LDLRAD4: variants seen among roughly 807,000 people sequenced by gnomAD.
The protein encoded by LDLRAD4 is low-density lipoprotein receptor class A domain-containing protein 4.
In LDLRAD4, 5 loss-of-function variants were observed where a neutral mutation model predicts 17.0. That is an observed-to-expected ratio of 0.29 (90% confidence interval 0.15 to 0.62). The LOEUF is 0.62. Ranked by LOEUF, LDLRAD4 falls within the 20% of genes least tolerant of loss-of-function variation. The probability of loss-of-function intolerance (pLI) is 0.84; values close to 1 mark genes in which losing one functional copy is unlikely to be tolerated. For missense variants in LDLRAD4, 340 were observed against 424.7 expected (o/e 0.80, Z 1.75); for synonymous variants, 168 against 171.8 (o/e 0.98, Z 0.17).
chr18:13,261,620 C>T (rs1029684187), intron 1 of LDLRAD4, among the ~76,000 whole-genome samples: 12 of 152,188 alleles, frequency 7.9e-5, no homozygotes, highest in Admixed American at 4.6e-4. Context: ...TAAGCGCACT[C>T]GTTCCATCAA....
intron 1 of LDLRAD4, among the ~76,000 whole-genome samples, chr18:13,386,556 G>C (rs1435493332): frequency 6.6e-6 from 1 of 152,066 alleles, no homozygotes; most frequent in Non-Finnish European, 1.5e-5. Context: ...TTTCAGTAGA[G>C]ACAGGGTTTC....
chr18:13,321,113 C>G lies in LDLRAD4; in HGVS notation c.-383+42925C>G, dbSNP rs553373493. ...CAAGCAGAGGTGGTTAACTTCGGCC[C>G]GAGCATGCTGCAGGACTCCGAGAGA... On this transcript the variant is annotated intron_variant, in intron 1 of 5. Coordinates refer to ENST00000359446, the Ensembl canonical transcript of LDLRAD4. 2.0e-5 allele frequency among the ~76,000 whole-genome samples: 3 copies of G among 152,284 alleles called. No individual in the cohort carries two copies. In the East Asian group the frequency reaches 5.8e-4, roughly 29 times the overall value.
At chr18:13,302,867 T>C (rs1015694850) in intron 1 of LDLRAD4, among the ~76,000 whole-genome samples, 3 of 152,178 alleles carry the variant, frequency 2.0e-5, no homozygotes, top group Admixed American at 6.5e-5. Context: ...TTATGTTACG[T>C]GCAGTTATGT....
intron 3 of LDLRAD4, chr18:13,487,090 A>G (rs1453616684): frequency 6.6e-6 from 1 of 152,210 alleles, no homozygotes; most frequent in Admixed American, 6.5e-5. Context: ...GTTTTATAAT[A>G]GTTTTAAATA....
intron 1 of LDLRAD4, among the ~76,000 whole-genome samples, chr18:13,255,867 G>A (rs1276978652): frequency 2.0e-5 from 3 of 152,154 alleles, no homozygotes; most frequent in Non-Finnish European, 4.4e-5. Context: ...ATCAGGATGA[G>A]GATGGCTGGG....
intron 4 of LDLRAD4, among the ~76,000 whole-genome samples, chr18:13,631,152 T>G (rs2041629293): frequency 1.3e-5 from 2 of 152,232 alleles, no homozygotes; most frequent in South Asian, 4.1e-4. Flanking sequence ...ACGACTGTCC[T>G]TTAATAATAT....
chr18:13,473,459 C>A (rs1441727437), intron 3 of LDLRAD4, among the ~76,000 whole-genome samples: 2 of 151,576 alleles, frequency 1.3e-5, no homozygotes, highest in African/African-American at 4.8e-5. Context: ...AGCTTAAGGC[C>A]AGGAGTTTGA....
intron 1 of LDLRAD4, chr18:13,241,583 G>C (rs2042651977): frequency 6.6e-6 from 1 of 152,420 alleles, no homozygotes; most frequent in African/African-American, 2.4e-5. Context: ...AGAGCAGCAG[G>C]TGAAGGCTGG....
At chr18:13,403,985 G>A (rs898926983) in intron 2 of LDLRAD4, among the ~76,000 whole-genome samples, 1 of 152,248 alleles carries the variant, frequency 6.6e-6, no homozygotes, top group Middle Eastern at 3.2e-3. Flanking sequence ...TCTACACTGA[G>A]CGCAAGGACC....
intron 2 of LDLRAD4, among the ~76,000 whole-genome samples, chr18:13,401,374 A>G (rs1225435451): frequency 2.7e-4 from 41 of 151,966 alleles, no homozygotes; most frequent in Admixed American, 1.6e-3. Flanking sequence ...CGCTTTGAAA[A>G]AAAAAAAAAA....
At chr18:13,624,012 G>A (rs2040886270) in intron 4 of LDLRAD4, among the ~76,000 whole-genome samples, 2 of 152,162 alleles carry the variant, frequency 1.3e-5, no homozygotes, top group Admixed American at 1.3e-4. Context: ...ATCATAAGGG[G>A]GAATCCTACA....
At chr18:13,374,014 G>A (rs1288210705) in intron 1 of LDLRAD4, among the ~76,000 whole-genome samples, 1 of 151,550 alleles carries the variant, frequency 6.6e-6, no homozygotes, top group Non-Finnish European at 1.5e-5. Flanking sequence ...GTGGAAATGT[G>A]TGAAATATTT....
At chr18:13,628,066 C>CGG (rs1276113252) in intron 4 of LDLRAD4, among the ~76,000 whole-genome samples, 5 of 152,216 alleles carry the variant, frequency 3.3e-5, no homozygotes, top group Admixed American at 2.0e-4. Flanking sequence ...TGGGATCCCT[C>CGG]GGAGGGCACA....
At chr18:13,266,847 A>G (rs2044248503) in intron 1 of LDLRAD4, among the ~76,000 whole-genome samples, 2 of 152,266 alleles carry the variant, frequency 1.3e-5, no homozygotes, top group Non-Finnish European at 2.9e-5. Context: ...CTGACTAGGA[A>G]GAGAGTTGAA....
chr18:13,551,098 C>A (rs947974866), intron 3 of LDLRAD4, among the ~76,000 whole-genome samples: 2 of 152,166 alleles, frequency 1.3e-5, no homozygotes, highest in African/African-American at 4.8e-5. Context: ...TACACCCCTA[C>A]GGCCAGTGCC....
intron 2 of LDLRAD4, among the ~76,000 whole-genome samples, chr18:13,396,603 C>G (rs566110903): frequency 4.3e-4 from 66 of 152,268 alleles, no homozygotes; most frequent in African/African-American, 1.5e-3. Context: ...CCCGTCTTGG[C>G]CTCTTGAGTA....
chr18:13,219,478 C>G (rs57273863), intron 1 of LDLRAD4, among the ~76,000 whole-genome samples: 1 of 152,154 alleles, frequency 6.6e-6, no homozygotes, highest in Non-Finnish European at 1.5e-5. Flanking sequence ...CGGACCAGCG[C>G]TGCTTTCTAA....
intron 1 of LDLRAD4, among the ~76,000 whole-genome samples, chr18:13,321,848 C>T (rs12961196): frequency 1.0e-5 from 1 of 96,556 alleles, no homozygotes; most frequent in Admixed American, 1.6e-4. Flanking sequence ...GCAACAACAG[C>T]GAGACTCCGT....
At chr18:13,237,523 C>G (rs551614910) in intron 1 of LDLRAD4, among the ~76,000 whole-genome samples, 1 of 152,182 alleles carries the variant, frequency 6.6e-6, no homozygotes, top group South Asian at 2.1e-4. Context: ...CCTGGTCCCA[C>G]GGCCAAGTGG....
Sources: allele counts gnomAD v4.1 joint callset (sites outside exome capture counted in the v4.1 genomes callset), GRCh38; gene constraint gnomAD v4.1.1; transcripts MANE v1.5; gene names NCBI Gene and HGNC (gene_info 2026-07-23, HGNC 2026-07-21).